Variants in GCH1 observed in about 807,000 individuals in gnomAD.
GCH1 encodes the protein GTP cyclohydrolase I.
A neutral mutation model predicts 25.9 loss-of-function variants in GCH1; 5 were observed. The observed-to-expected ratio is 0.19, with a 90% CI of 0.10 to 0.41. GCH1 has a LOEUF of 0.41. Ranked by LOEUF, GCH1 falls within the 10% of genes least tolerant of loss-of-function variation. GCH1 has a pLI of 1.00. For missense variants in GCH1, 261 were observed against 336.5 expected, an observed-to-expected ratio of 0.78 and a Z score of 1.75; for synonymous variants, 159 against 129.6, an observed-to-expected ratio of 1.23 and a Z score of -1.54.
chr14:54,891,828 TACCTAATAGTC>T (rs1027549830), intron 1 of GCH1, among the ~76,000 whole-genome samples: 5 of 152,228 alleles, frequency 3.3e-5, no homozygotes, highest in African/African-American at 1.2e-4. Context: ...CTATGCTTCC[TACCTAATAGTC>T]ACTTAGTATC....
intron 1 of GCH1, among the ~76,000 whole-genome samples, chr14:54,867,606 A>AAAAAC (rs2040007324): frequency 6.6e-6 from 1 of 150,502 alleles, no homozygotes; most frequent in Non-Finnish European, 1.5e-5. Context: ...AAAAAAAAAA[A>AAAAAC]AAAAAAAAGA....
At chr14:54,898,770 C>T (rs548058499) in intron 1 of GCH1, among the ~76,000 whole-genome samples, 2 of 152,136 alleles carry the variant, frequency 1.3e-5, no homozygotes, top group African/African-American at 4.8e-5. Context: ...CAGGTATGCG[C>T]CACCACATCT....
chr14:54,876,850 TAAGAG>T (rs2040169368), intron 1 of GCH1, among the ~76,000 whole-genome samples: 1 of 152,198 alleles, frequency 6.6e-6, no homozygotes, highest in South Asian at 2.1e-4. Flanking sequence ...TGCAAAGCAG[TAAGAG>T]AAGAGACAGA....
chr14:54,899,198 C>T (rs1381705673), intron 1 of GCH1, among the ~76,000 whole-genome samples: 3 of 152,110 alleles, frequency 2.0e-5, no homozygotes, highest in African/African-American at 7.2e-5. Context: ...TGGTGGCTCA[C>T]ACCTGTAATC....
At chr14:54,887,130 A>G (rs1347010310) in intron 1 of GCH1, among the ~76,000 whole-genome samples, 1 of 152,222 alleles carries the variant, frequency 6.6e-6, no homozygotes, top group African/African-American at 2.4e-5. Context: ...ATCAAACTGG[A>G]AGAATTTCAG....
intron 1 of GCH1, among the ~76,000 whole-genome samples, chr14:54,898,613 T>A (rs8019824): frequency 0.41 from 62,974 of 151,992 alleles, 14,531 homozygotes; most frequent in African/African-American, 0.62. Flanking sequence ...TTTTAATTTT[T>A]ATTTTTATTT....
chr14:54,882,451 T>C (rs1189482824), intron 1 of GCH1, among the ~76,000 whole-genome samples: 1 of 152,264 alleles, frequency 6.6e-6, no homozygotes, highest in Non-Finnish European at 1.5e-5. Flanking sequence ...TTTACTACTC[T>C]GAATATTTCT....
chr14:54,865,756 A>T (rs1211678788), intron 1 of GCH1, among the ~76,000 whole-genome samples: 3 of 152,170 alleles, frequency 2.0e-5, no homozygotes, highest in African/African-American at 7.2e-5. Context: ...TGGCAGTAGA[A>T]ATGGGCCACT....
At chr14:54,874,490 C>T (rs1308287975) in intron 1 of GCH1, among the ~76,000 whole-genome samples, 5 of 152,064 alleles carry the variant, frequency 3.3e-5, no homozygotes, top group Non-Finnish European at 7.4e-5. Flanking sequence ...AAGTTCTGGC[C>T]AGGGCAATCA....
intron 1 of GCH1, among the ~76,000 whole-genome samples, chr14:54,873,854 T>A (rs1026993471): frequency 6.6e-6 from 1 of 152,304 alleles, no homozygotes; most frequent in South Asian, 2.1e-4. Flanking sequence ...CAATAATTAA[T>A]AGCCTACCAA....
intron 1 of GCH1, among the ~76,000 whole-genome samples, chr14:54,880,271 A>C (rs903392696): frequency 1.3e-5 from 2 of 149,178 alleles, no homozygotes; most frequent in African/African-American, 4.9e-5. Flanking sequence ...TTATAGCAAA[A>C]TACTAAGATT....
At position 54,868,558 on chromosome 14, in the gene GCH1, A is replaced by C. The variant is rs565441699; in HGVS notation, c.344-3122T>G. 4.7e-4 allele frequency among the ~76,000 whole-genome samples: 72 copies of C among 152,310 alleles called. 1 individual carries two copies. Among genetic ancestry groups the C allele is most frequent in the Admixed American group, 2.5e-3 (39 of 15,300 alleles). On this transcript the variant is annotated intron_variant, in intron 1 of 5. Transcript: ENST00000491895. ...CTGAATAAAGTCTGTAGTTTAAATA[A>C]TAGTATTGTACCAATATTACTTTTT...
chr14:54,895,183 C>T (rs1030347782), intron 1 of GCH1, among the ~76,000 whole-genome samples: 1 of 152,142 alleles, frequency 6.6e-6, no homozygotes, highest in Non-Finnish European at 1.5e-5. Context: ...TTATCTTTAG[C>T]GAATAGACAT....
intron 1 of GCH1, among the ~76,000 whole-genome samples, chr14:54,880,211 C>T (rs1366050057): frequency 6.7e-6 from 1 of 149,926 alleles, no homozygotes; most frequent in Non-Finnish European, 1.5e-5. Flanking sequence ...ATAACTGGAT[C>T]AGGAAGTGAT....
rs1172238108 is a variant in GCH1 at position 54,843,158 on chromosome 14, G to A, written c.*859C>T. On this transcript the variant is annotated 3_prime_UTR_variant, in exon 6 of 6. Coordinates refer to ENST00000491895, the MANE Select transcript of GCH1 (RefSeq NM_000161.3). ...AGAAACATTTTGAGGCATCTACATG[G>A]ATCACACAAAGGAAACTCAATAAAC... 16 of 1,511,388 alleles carry A rather than the reference G, an allele frequency of 1.1e-5. No homozygotes were observed. In the African/African-American group the frequency reaches 1.5e-4, roughly 15 times the overall value. The allele number at this position is 1,511,388 out of a possible 1,614,324, so 93.6% of individuals were successfully genotyped here. A position where few individuals can be genotyped will look rare whatever the true frequency, so the allele number is the denominator to read the frequency against.
chr14:54,865,275 A>G lies in GCH1; in HGVS notation c.453+52T>C, dbSNP rs1004184907. ...ATTTTAAATATAATTATTCTAATTG[A>G]AAAACTTTCACTATGTTTTAAATTG... On this transcript the variant is annotated intron_variant, in intron 2 of 5. Coordinates refer to ENST00000491895, the MANE Select transcript of GCH1 (RefSeq NM_000161.3). 3 of 854,340 alleles carry G rather than the reference A, an allele frequency of 3.5e-6. No homozygotes were observed. In the African/African-American group the frequency reaches 5.0e-5, roughly 14 times the overall value. 52.9% of individuals were successfully genotyped at this position (854,340 alleles called of 1,614,324 possible). A position where few individuals can be genotyped will look rare whatever the true frequency, so the allele number is the denominator to read the frequency against.
At chr14:54,887,306 CAGTGCATG>C (rs1369403599) in intron 1 of GCH1, among the ~76,000 whole-genome samples, 1 of 152,196 alleles carries the variant, frequency 6.6e-6, no homozygotes, top group Non-Finnish European at 1.5e-5. Flanking sequence ...CCAGTTGTGA[CAGTGCATG>C]AAGTACAGAG....
chr14:54,850,188 G>A lies in GCH1; in HGVS notation c.510-3058C>T, dbSNP rs147610138. 4.4e-3 allele frequency among the ~76,000 whole-genome samples: 664 copies of A among 152,078 alleles called. 2 individuals carry two copies. The highest frequency in any genetic ancestry group is 0.015 in the African/African-American group (623 of 41,484). On this transcript the variant is annotated intron_variant, in intron 3 of 5. Transcript: ENST00000491895. ...AGGGTTTCACCATGTTGGCCAGGCC[G>A]GTCTTGAACTCCTGACCTCATGATC...
Position 54,868,925 on chromosome 14 carries a change from G to C in GCH1, c.344-3489C>G, listed in dbSNP as rs188715184. On this transcript the variant is annotated intron_variant, in intron 1 of 5. Transcript: ENST00000491895. The stretch of plus-strand genomic sequence containing the variant: ...TTATTATTATTATTATTATTTTAGA[G>C]ATGGGATCTTGATATATTGCTCAAG... Among the ~76,000 whole-genome samples the C allele has an allele frequency of 1.1e-4, 16 of 152,094 alleles. 1 individual carries two copies. In the East Asian group the frequency reaches 3.1e-3, roughly 30 times the overall value.
Sources: allele counts gnomAD v4.1 joint callset (sites outside exome capture counted in the v4.1 genomes callset), GRCh38; gene constraint gnomAD v4.1.1; transcripts MANE v1.5; gene names NCBI Gene and HGNC (gene_info 2026-07-23, HGNC 2026-07-21).